CTNNA2: variants seen among roughly 807,000 people sequenced by gnomAD.
CTNNA2 encodes catenin alpha-2.
CTNNA2 carries 42 observed loss-of-function variants against 101.0 expected under a neutral mutation model. The ratio of observed to expected loss-of-function variants is 0.42; its 90% CI spans 0.32 to 0.54. CTNNA2 has a LOEUF of 0.54. CTNNA2 is among the 20% of genes least tolerant of loss of function. The pLI is 0.14. For missense variants in CTNNA2, 871 were observed against 1,223.1 expected (o/e 0.71, Z 4.29); for synonymous variants, 450 against 456.4 (o/e 0.99, Z 0.18).
intron 9 of CTNNA2, among the ~76,000 whole-genome samples, chr2:80,464,484 G>A (rs77160329): frequency 0.013 from 1,994 of 152,192 alleles, 43 homozygotes; most frequent in African/African-American, 0.046. Flanking sequence ...GCTTCAGTGA[G>A]GTTTTCTCAC....
rs1232339660 is a variant in CTNNA2, at chr2:80,287,528, C to A, written c.1057-105683C>A. 6.6e-5 allele frequency among the ~76,000 whole-genome samples: 10 copies of A among 152,260 alleles called. No individual in the cohort carries two copies. In the East Asian group the frequency reaches 1.9e-3, roughly 29 times the overall value. On this transcript the variant is annotated intron_variant, in intron 7 of 18. Coordinates refer to ENST00000402739, the MANE Select transcript of CTNNA2 (RefSeq NM_001282597.3). ...AAAAGTAATGATGACGAGGATGACA[C>A]TGATGGTGACGATACTGACGATAGT...
chr2:80,302,891 G>T lies in CTNNA2; in HGVS notation c.1057-90320G>T, dbSNP rs141798518. On this transcript the variant is annotated intron_variant, in intron 7 of 18. Coordinates refer to ENST00000402739, the MANE Select transcript of CTNNA2 (RefSeq NM_001282597.3). This position sits in a 1 kb window ranked among gnomAD's most constrained non-coding sequence, Gnocchi z 6.4. The stretch of plus-strand genomic sequence containing the variant: ...GCAATCCCACAGGTTCCCGGCCAGG[G>T]TGATGCTTGTCAGGGACTTCCAAGA... 6.9e-5 allele frequency: 112 copies of T among 1,614,060 alleles called. 1 individual carries two copies. In the Middle Eastern group the frequency reaches 8.2e-4, roughly 12 times the overall value.
intron 7 of CTNNA2, among the ~76,000 whole-genome samples, chr2:80,014,472 C>A (rs1171628880): frequency 1.3e-5 from 2 of 151,678 alleles, no homozygotes; most frequent in Non-Finnish European, 2.9e-5. Context: ...TTATGTAACT[C>A]TTGATGTTTT....
At chr2:79,314,919 T>A (rs1205210317) in intron 3 of CTNNA2, among the ~76,000 whole-genome samples, 2 of 152,226 alleles carry the variant, frequency 1.3e-5, no homozygotes, top group Non-Finnish European at 2.9e-5. Context: ...CTTGCACTGA[T>A]CCTTTAATGC....
intron 2 of CTNNA2, chr2:79,687,582 G>T: frequency 4.3e-6 from 3 of 701,176 alleles, no homozygotes; most frequent in Non-Finnish European, 7.9e-6. Flanking sequence ...TTTTTCCACC[G>T]GATATTTCAA....
At chr2:79,321,793 G>GCACA (rs59806501) in intron 3 of CTNNA2, among the ~76,000 whole-genome samples, 8,905 of 149,120 alleles carry the variant, frequency 0.06, 283 homozygotes, top group Non-Finnish European at 0.075. Flanking sequence ...CACTGTGTTT[G>GCACA]CACACACACA....
chr2:80,479,930 T>C (rs1686022471), intron 9 of CTNNA2, among the ~76,000 whole-genome samples: 1 of 152,196 alleles, frequency 6.6e-6, no homozygotes, highest in South Asian at 2.1e-4. Context: ...TGGTTCCATA[T>C]ACAACATTAT....
chr2:80,541,434 G>T (rs1051225285), intron 9 of CTNNA2, among the ~76,000 whole-genome samples: 1 of 152,136 alleles, frequency 6.6e-6, no homozygotes, highest in African/African-American at 2.4e-5. Context: ...AGCATTGCTA[G>T]CTTGGTTTCC....
chr2:79,875,158 G>A (rs946725131), intron 6 of CTNNA2, among the ~76,000 whole-genome samples: 1 of 152,146 alleles, frequency 6.6e-6, no homozygotes, highest in African/African-American at 2.4e-5. Context: ...GGTGAGGGAA[G>A]AAGCAAGGAG....
At chr2:79,761,334 G>C (rs1254943051) in intron 3 of CTNNA2, among the ~76,000 whole-genome samples, 1 of 152,064 alleles carries the variant, frequency 6.6e-6, no homozygotes, top group Non-Finnish European at 1.5e-5. Flanking sequence ...CAACCCAAGG[G>C]TAGTTTAAGT....
intron 8 of CTNNA2, among the ~76,000 whole-genome samples, chr2:80,396,203 G>A (rs968325800): frequency 6.6e-6 from 1 of 152,104 alleles, no homozygotes; most frequent in African/African-American, 2.4e-5. Context: ...CAAGGAACTG[G>A]GGCATTATAA....
intron 1 of CTNNA2, among the ~76,000 whole-genome samples, chr2:79,564,635 T>C (rs1226341052): frequency 6.6e-6 from 1 of 152,216 alleles, no homozygotes; most frequent in Non-Finnish European, 1.5e-5. Flanking sequence ...CACACTAGTC[T>C]AGTTTATAAC....
intron 9 of CTNNA2, among the ~76,000 whole-genome samples, chr2:80,469,018 C>CGGAGGTGTT (rs1248168607): frequency 6.6e-6 from 1 of 152,012 alleles, no homozygotes; most frequent in Non-Finnish European, 1.5e-5. Flanking sequence ...GGAGGCAGGA[C>CGGAGGTGTT]GGAGGTGTTG....
intron 7 of CTNNA2, among the ~76,000 whole-genome samples, chr2:80,206,620 C>T (rs1707552750): frequency 1.3e-5 from 2 of 152,076 alleles, no homozygotes; most frequent in Non-Finnish European, 2.9e-5. Flanking sequence ...ATTCTATGTT[C>T]CTGTTCTATC....
chr2:79,238,813 T>C (rs565655374), intron 2 of CTNNA2, among the ~76,000 whole-genome samples: 34 of 152,322 alleles, frequency 2.2e-4, no homozygotes, highest in African/African-American at 8.2e-4. Context: ...GCAGGGTAGG[T>C]ATTTCTGTCC....
chr2:80,227,271 C>G (rs1464455067), intron 7 of CTNNA2, among the ~76,000 whole-genome samples: 1 of 152,074 alleles, frequency 6.6e-6, no homozygotes, highest in Non-Finnish European at 1.5e-5. Context: ...TAATAATAAG[C>G]ACTACTGTTT....
At chr2:79,238,549 T>TA (rs1281779180) in intron 2 of CTNNA2, among the ~76,000 whole-genome samples, 3 of 152,124 alleles carry the variant, frequency 2.0e-5, no homozygotes, top group South Asian at 2.1e-4. Flanking sequence ...CAATTTGTAT[T>TA]AAAAAAAGTG....
At chr2:80,640,588 A>G (rs933352368) in intron 18 of CTNNA2, among the ~76,000 whole-genome samples, 3 of 152,220 alleles carry the variant, frequency 2.0e-5, no homozygotes, top group Non-Finnish European at 4.4e-5. Context: ...TAGACTCTGG[A>G]AAATGTACGC....
intron 9 of CTNNA2, among the ~76,000 whole-genome samples, chr2:80,496,627 G>A (rs1331775312): frequency 1.3e-5 from 2 of 151,972 alleles, no homozygotes; most frequent in African/African-American, 2.4e-5. Flanking sequence ...AACAATGGCT[G>A]TGATCATGTG....
Sources: gnomAD v4.1 joint callset for allele counts (sites outside exome capture counted in the v4.1 genomes callset) on GRCh38, gnomAD v4.1.1 for gene constraint, Gnocchi (gnomAD v3.1) non-coding constraint, MANE v1.5 for transcripts, NCBI Gene and HGNC (gene_info 2026-07-23, HGNC 2026-07-21) for gene names.